The following NPHP4 variants were observed in gnomAD, a reference collection of about 807,000 sequenced individuals.
NPHP4 encodes the protein nephrocystin-4.
In NPHP4, 151 loss-of-function variants were observed where a neutral mutation model predicts 155.8. That is an observed-to-expected ratio of 0.97 (90% CI 0.85 to 1.11). The LOEUF is 1.11. Among genes scored for constraint, NPHP4 ranks in the 50% least tolerant of loss-of-function variants. NPHP4 has a pLI of 0.00. For synonymous variants in NPHP4, 845 were observed against 816.8 expected (o/e 1.03, Z -0.59); for missense variants, 1,956 against 1,925.7 (o/e 1.02, Z -0.29).
At chr1:5,965,079 C>T (rs976871041) in intron 5 of NPHP4, among the ~76,000 whole-genome samples, 7 of 150,388 alleles carry the variant, frequency 4.7e-5, no homozygotes, top group Non-Finnish European at 1.5e-5. Flanking sequence ...ACCACAGGGG[C>T]GCACCGCCAT....
At chr1:5,940,764 C>T (rs1409050403) in intron 9 of NPHP4, among the ~76,000 whole-genome samples, 2 of 152,118 alleles carry the variant, frequency 1.3e-5, no homozygotes, top group Non-Finnish European at 2.9e-5. Context: ...CATTTTAAAA[C>T]CATTTTTAAA....
rs564793159 is a variant in NPHP4 at position 5,910,001 on chromosome 1, C to T, written c.1442-788G>A. On this transcript the variant is annotated intron_variant, in intron 11 of 29. Transcript: ENST00000378156. The surrounding 1 kb of genome is among the most constrained non-coding windows in gnomAD (Gnocchi z 5.4). ...GACCCAGGGCTCTCAGCCCCTGCAC[C>T]TCAGCAGGAGGAAGCCCCAGCATCG... Among the ~76,000 whole-genome samples the T allele has an allele frequency of 2.1e-3, 316 of 152,330 alleles. No individual in the cohort carries two copies. Among genetic ancestry groups the T allele is most frequent in the African/African-American group, 6.9e-3 (286 of 41,572 alleles).
chr1:5,971,545 A>G lies in NPHP4; in HGVS notation c.280-2286T>C, dbSNP rs1414793121. On this transcript the variant is annotated intron_variant, in intron 3 of 29. Transcript: ENST00000378156. ...GAAGCTCGAGCCTCGAAGGCTTCAT[A>G]AACGACAGATGAGGCAGGCACAAAA... 3.3e-5 allele frequency among the ~76,000 whole-genome samples: 5 copies of G among 152,352 alleles called. No individual in the cohort carries two copies. The East Asian group carries it at 9.6e-4, about 29-fold the overall frequency.
chr1:5,929,455 T>A (rs551433547), intron 10 of NPHP4, among the ~76,000 whole-genome samples: 31 of 152,332 alleles, frequency 2.0e-4, no homozygotes, highest in African/African-American at 7.5e-4. Flanking sequence ...CATCACTGAT[T>A]ATGCTAAGGA....
chr1:5,897,736 A>C (rs1461165949), intron 16 of NPHP4, among the ~76,000 whole-genome samples: 1 of 152,218 alleles, frequency 6.6e-6, no homozygotes, highest in Non-Finnish European at 1.5e-5. Context: ...GATCAAAAAA[A>C]TACACATGGG....
chr1:5,936,810 C>A (rs1439410737), intron 9 of NPHP4, among the ~76,000 whole-genome samples: 1 of 152,206 alleles, frequency 6.6e-6, no homozygotes, highest in African/African-American at 2.4e-5. Context: ...TGCTCTCAGC[C>A]TAATCCCCGG....
intron 17 of NPHP4, 95 bp from the exon 18 acceptor site, chr1:5,887,561 A>G: frequency 7.3e-7 from 1 of 1,365,250 alleles, no homozygotes; most frequent in Admixed American, 1.9e-5. Flanking sequence ...CCCAGCAGGA[A>G]AGCCACTGTG....
In NPHP4 at chr1:5,875,056, G is replaced by T; in HGVS notation, c.2862C>A (p.Val954=). ...VRTQHLRDLQ[V]IAAYRERTKA... ...TCGTGCGTTCCCGGTAGGCGGCGAT[G>T]ACCTGTAGGTCCCGCAAGTGCTGTG... The change falls in exon 21 of 30, where the codon GTC becomes GTA. Residue 954 remains valine (V), a synonymous_variant. Transcript: ENST00000378156. The T allele has an allele frequency of 6.2e-7, 1 of 1,607,900 alleles. No individual in the cohort carries two copies. Among genetic ancestry groups the T allele is most frequent in the South Asian group, 1.1e-5 (1 of 91,028 alleles).
intron 11 of NPHP4, among the ~76,000 whole-genome samples, chr1:5,916,211 A>G (rs899892105): frequency 2.6e-5 from 4 of 152,206 alleles, no homozygotes; most frequent in African/African-American, 9.6e-5. Context: ...GTAAGTGATG[A>G]ATGAAACTTT....
Position 5,987,589 on chromosome 1 carries a change from C to T in NPHP4, c.-38-1262G>A, listed in dbSNP as rs371298153. 2.0e-5 allele frequency among the ~76,000 whole-genome samples: 3 copies of T among 152,222 alleles called. No homozygotes were observed. In the East Asian group the frequency reaches 5.8e-4, roughly 29 times the overall value. On this transcript the variant is annotated intron_variant, in intron 1 of 29. Coordinates refer to ENST00000378156, the MANE Select transcript of NPHP4 (RefSeq NM_015102.5). ...CAAGGCAGCTTCAAGTAAGAACATC[C>T]TTGGTGAAGCCGGAAAAACTATTAA...
At position 5,986,307 on chromosome 1, in the gene NPHP4, C is replaced by A; in HGVS notation, c.-18G>T. Reference sequence around the variant, plus strand: ...TCGTTCATCCTGCCCGCCTGAGGGTCCCGTGGGCTTCCCGGATGATCTGTG... The same window carrying A: ...TCGTTCATCCTGCCCGCCTGAGGGTACCGTGGGCTTCCCGGATGATCTGTG... On this transcript the variant is annotated 5_prime_UTR_variant, in exon 2 of 30. Coordinates refer to ENST00000378156, the MANE Select transcript of NPHP4 (RefSeq NM_015102.5). 1 of 1,612,992 alleles carries A rather than the reference C, an allele frequency of 6.2e-7. No individual in the cohort carries two copies. Among genetic ancestry groups the A allele is most frequent in the Non-Finnish European group, 8.5e-7 (1 of 1,179,396 alleles).
Position 5,961,927 on chromosome 1 carries a change from A to C in NPHP4, c.540T>G (p.Ile180Met). 1.9e-6 allele frequency: 3 copies of C among 1,605,868 alleles called. No individual in the cohort carries two copies. Among genetic ancestry groups the C allele is most frequent in the Admixed American group, 3.3e-5 (2 of 59,878 alleles). ...PAEQNRHMTL[I>M]ENCSLQYTLK... ...GCGTGTACTGCAGGCTGCAGTTCTC[A>C]ATGAGGGTCATGTGTCTGTTTTCTG... The change falls in exon 6 of 30, where the codon ATT (isoleucine) becomes ATG (methionine). Residue 180 changes from isoleucine (I) to methionine (M), a missense_variant. Coordinates refer to ENST00000378156, the MANE Select transcript of NPHP4 (RefSeq NM_015102.5).
At chr1:5,911,747 C>G (rs1254041719) in intron 11 of NPHP4, among the ~76,000 whole-genome samples, 4 of 152,162 alleles carry the variant, frequency 2.6e-5, no homozygotes, top group African/African-American at 9.7e-5. Context: ...TGAAGCAGAG[C>G]AGGAAGAGAC....
chr1:5,974,244 G>A (rs1230930505), intron 3 of NPHP4, among the ~76,000 whole-genome samples: 6 of 152,248 alleles, frequency 3.9e-5, no homozygotes, highest in African/African-American at 1.4e-4. Flanking sequence ...ACCAGGGCAG[G>A]TGACTGCCCC....
At chr1:5,899,391 A>G (rs1644559946) in intron 16 of NPHP4, among the ~76,000 whole-genome samples, 1 of 152,164 alleles carries the variant, frequency 6.6e-6, no homozygotes, top group Non-Finnish European at 1.5e-5. Flanking sequence ...CCAGCAAAAG[A>G]AGTGGGATTC....
chr1:5,919,569 A>T (rs1298917438), intron 11 of NPHP4, among the ~76,000 whole-genome samples: 1 of 152,194 alleles, frequency 6.6e-6, no homozygotes, highest in Non-Finnish European at 1.5e-5. Context: ...GGTAGGAGAA[A>T]AGGAGGACCA....
In NPHP4 at chr1:5,892,996, G is replaced by A. The variant is rs1043034221; in HGVS notation, c.2144-1968C>T. On this transcript the variant is annotated intron_variant, in intron 16 of 29. Transcript: ENST00000378156. This position sits in a 1 kb window ranked among gnomAD's most constrained non-coding sequence, Gnocchi z 4.5. Reference sequence around the variant, plus strand: ...CACTCTCCATTCAAAGGCAGATCCAGGCAACGATGAATGAGTGACAATCTA... The same window carrying A: ...CACTCTCCATTCAAAGGCAGATCCAAGCAACGATGAATGAGTGACAATCTA... Among the ~76,000 whole-genome samples, 2 of 152,192 alleles carry A rather than the reference G, an allele frequency of 1.3e-5. No homozygotes were observed. The highest frequency in any genetic ancestry group is 4.8e-5 in the African/African-American group (2 of 41,454).
intron 11 of NPHP4, among the ~76,000 whole-genome samples, chr1:5,919,746 T>G (rs1030551370): frequency 6.2e-5 from 9 of 144,388 alleles, no homozygotes; most frequent in African/African-American, 1.5e-4. Flanking sequence ...GTTTTTTTTG[T>G]TTTTTTTTTT....
At chr1:5,868,445 T>C (rs1053852387) in intron 23 of NPHP4, 6 of 239,576 alleles carry the variant, frequency 2.5e-5, no homozygotes, top group Admixed American at 1.6e-4. Flanking sequence ...TCTGAAGAGG[T>C]ATTAATTGGG....
Sources: gnomAD v4.1 joint callset for allele counts (sites outside exome capture counted in the v4.1 genomes callset) on GRCh38, gnomAD v4.1.1 for gene constraint, Gnocchi (gnomAD v3.1) non-coding constraint, MANE v1.5 for transcripts, NCBI Gene and HGNC (gene_info 2026-07-23, HGNC 2026-07-21) for gene names.